Variants in CDH8 observed in about 807,000 individuals in gnomAD.
The protein encoded by CDH8 is cadherin-8.
A neutral mutation model predicts 68.1 loss-of-function variants in CDH8; 17 were observed. The ratio of observed to expected loss-of-function variants is 0.25; its 90% CI spans 0.17 to 0.37. CDH8 has a LOEUF of 0.37. CDH8 is among the 10% of genes least tolerant of loss of function. The pLI is 1.00. For missense variants in CDH8, 763 were observed against 999.3 expected (o/e 0.76, Z 3.19); for synonymous variants, 372 against 365.1 (o/e 1.02, Z -0.21).
intron 2 of CDH8, among the ~76,000 whole-genome samples, chr16:61,999,374 G>C (rs1965855395): frequency 6.6e-6 from 1 of 152,148 alleles, no homozygotes; most frequent in Non-Finnish European, 1.5e-5. Context: ...AAGGAAGATT[G>C]AGATTTAGAG....
intron 8 of CDH8, among the ~76,000 whole-genome samples, chr16:61,785,470 C>T (rs1180103644): frequency 2.5e-5 from 1 of 40,182 alleles, no homozygotes; most frequent in African/African-American, 1.2e-4. Context: ...AAAAAGAGTC[C>T]AGGACCAGAT....
intron 4 of CDH8, among the ~76,000 whole-genome samples, chr16:61,828,717 C>T (rs937158854): frequency 6.6e-6 from 1 of 151,866 alleles, no homozygotes; most frequent in Admixed American, 6.6e-5. Context: ...CTTACCAATG[C>T]TGCCCTCATA....
intron 3 of CDH8, among the ~76,000 whole-genome samples, chr16:61,873,698 C>A (rs1392045824): frequency 6.6e-6 from 1 of 152,060 alleles, no homozygotes; most frequent in Admixed American, 6.6e-5. Context: ...TTTTTCAATG[C>A]TGGGCTGAGG....
intron 3 of CDH8, 57 bp from the exon 4 acceptor site, chr16:61,857,295 G>T: frequency 6.9e-7 from 1 of 1,459,486 alleles, no homozygotes; most frequent in East Asian, 2.4e-5. Context: ...TTTGCCAAGA[G>T]CTACATTTTG....
At chr16:61,931,154 C>CTTTTG (rs551323255) in intron 2 of CDH8, among the ~76,000 whole-genome samples, 1,551 of 151,794 alleles carry the variant, frequency 0.01, 33 homozygotes, top group African/African-American at 0.034. Flanking sequence ...TCATGAGGAC[C>CTTTTG]TTTTGTTTTG....
At chr16:61,734,304 T>C (rs945485704) in intron 8 of CDH8, among the ~76,000 whole-genome samples, 2 of 152,088 alleles carry the variant, frequency 1.3e-5, no homozygotes, top group African/African-American at 4.8e-5. Flanking sequence ...AGAGAACATA[T>C]TGGGACCTTG....
intron 7 of CDH8, among the ~76,000 whole-genome samples, chr16:61,801,524 C>G (rs868813299): frequency 1.3e-5 from 2 of 152,138 alleles, no homozygotes; most frequent in African/African-American, 4.8e-5. Flanking sequence ...ACGCAGAAGA[C>G]GGGTGATTTC....
At chr16:62,024,566 C>T (rs576678086) in intron 1 of CDH8, among the ~76,000 whole-genome samples, 1 of 152,164 alleles carries the variant, frequency 6.6e-6, no homozygotes, top group Non-Finnish European at 1.5e-5. Context: ...TGAGTTCCCT[C>T]TACCTGAACT....
chr16:61,659,674 C>T (rs766815454), intron 10 of CDH8, among the ~76,000 whole-genome samples: 6 of 151,988 alleles, frequency 3.9e-5, no homozygotes, highest in Non-Finnish European at 4.4e-5. Context: ...CTATTTTTTC[C>T]CCCAGCATCA....
chr16:61,810,425 G>A (rs994217808), intron 7 of CDH8, among the ~76,000 whole-genome samples: 4 of 151,382 alleles, frequency 2.6e-5, no homozygotes, highest in Admixed American at 2.6e-4. Flanking sequence ...ATTCCTCTAA[G>A]GAAAAGAAGG....
chr16:61,983,828 C>T lies in CDH8; in HGVS notation c.252+37324G>A, dbSNP rs1338099800. On this transcript the variant is annotated intron_variant, in intron 2 of 11. Transcript: ENST00000577390. ...TCTCTTTCTGGCTTACAGATGGCTG[C>T]CTTCTTGCTATGTCTTCACATGGCA... Among the ~76,000 whole-genome samples, 5 of 151,104 alleles carry T rather than the reference C, an allele frequency of 3.3e-5. No homozygotes were observed. The East Asian group carries it at 9.7e-4, about 29-fold the overall frequency.
At chr16:61,694,052 T>C (rs909384213) in intron 10 of CDH8, among the ~76,000 whole-genome samples, 6 of 152,188 alleles carry the variant, frequency 3.9e-5, no homozygotes, top group African/African-American at 1.4e-4. Flanking sequence ...GCACTAGGAC[T>C]TTAAATCATG....
intron 10 of CDH8, among the ~76,000 whole-genome samples, chr16:61,680,004 G>A (rs1963984118): frequency 1.3e-5 from 2 of 151,890 alleles, no homozygotes; most frequent in Admixed American, 6.6e-5. Context: ...CTTCAGATAA[G>A]GTAAAAGCTG....
At chr16:61,898,272 C>T (rs1220256045) in intron 3 of CDH8, among the ~76,000 whole-genome samples, 1 of 151,480 alleles carries the variant, frequency 6.6e-6, no homozygotes, top group African/African-American at 2.4e-5. Flanking sequence ...TGCACTCCAG[C>T]CTGGGAAACA....
At chr16:61,896,464 G>A (rs1197562814) in intron 3 of CDH8, among the ~76,000 whole-genome samples, 4 of 152,208 alleles carry the variant, frequency 2.6e-5, no homozygotes, top group Non-Finnish European at 5.9e-5. Flanking sequence ...AGGGCATACA[G>A]GTGCACGTGC....
intron 2 of CDH8, among the ~76,000 whole-genome samples, chr16:62,005,611 C>T (rs1019703689): frequency 6.6e-6 from 1 of 151,878 alleles, no homozygotes; most frequent in African/African-American, 2.4e-5. Flanking sequence ...AGGTGTGTGC[C>T]TGTAATCCCA....
At chr16:62,021,703 C>T in intron 1 of CDH8, 101 bp from the exon 2 acceptor site, 1 of 501,602 alleles carries the variant, frequency 2.0e-6, no homozygotes. Flanking sequence ...ATAGTAGGCA[C>T]TTCTCAAACT....
intron 2 of CDH8, among the ~76,000 whole-genome samples, chr16:61,988,970 A>G (rs1190951861): frequency 6.6e-6 from 1 of 152,166 alleles, no homozygotes; most frequent in East Asian, 1.9e-4. Context: ...CAAGAAAAAA[A>G]TGAGAGGGTC....
chr16:61,759,127 A>C (rs1001611364), intron 8 of CDH8, among the ~76,000 whole-genome samples: 2 of 152,204 alleles, frequency 1.3e-5, no homozygotes, highest in Non-Finnish European at 1.5e-5. Flanking sequence ...CACCCTGAAG[A>C]GATTTGTGAG....
Sources: allele counts gnomAD v4.1 joint callset (sites outside exome capture counted in the v4.1 genomes callset), GRCh38; gene constraint gnomAD v4.1.1; transcripts MANE v1.5; gene names NCBI Gene and HGNC (gene_info 2026-07-23, HGNC 2026-07-21).